Variants in BMP1 observed in about 807,000 individuals in gnomAD.
BMP1 encodes bone morphogenetic protein 1, also known as mammalian tolloid protein.
A neutral mutation model predicts 116.8 loss-of-function variants in BMP1; 63 were observed. The ratio of observed to expected loss-of-function variants is 0.54; its 90% CI spans 0.44 to 0.67. The LOEUF (loss-of-function observed/expected upper bound fraction) is 0.67. Among genes scored for constraint, BMP1 ranks in the 30% least tolerant of loss-of-function variants. BMP1 has a pLI of 0.00. For missense variants in BMP1, 1,183 were observed against 1,358.9 expected, an observed-to-expected ratio of 0.87 and a Z score of 2.04; for synonymous variants, 536 against 533.4, an observed-to-expected ratio of 1.00 and a Z score of -0.07.
rs1828341359 is a variant in BMP1, at chr8:22,173,548, C to T, written c.149-54C>T. ...GGGTTGGGGCTAGAAGCACGGTGCA[C>T]CTAGGGCTGGGTAGGAGGATTAACT... is the stretch of plus-strand genomic sequence containing the variant. On this transcript the variant is annotated intron_variant, in intron 1 of 19. Transcript: ENST00000306385. 2.8e-6 allele frequency: 4 copies of T among 1,432,934 alleles called. No individual in the cohort carries two copies. In the East Asian group the frequency reaches 7.0e-5, roughly 25 times the overall value. 88.8% of individuals were successfully genotyped at this position (1,432,934 alleles called of 1,614,324 possible). A position where few individuals can be genotyped will look rare whatever the true frequency, so the allele number is the denominator to read the frequency against.
rs1828552984 is a variant in BMP1 at position 22,179,596 on chromosome 8, T to A, written c.837-109T>A. The A allele has an allele frequency of 1.9e-6, 3 of 1,582,630 alleles. No homozygotes were observed. The African/African-American group carries it at 4.0e-5, about 21-fold the overall frequency. ...ACCCGGCCCTGACCCTGCTGAGGAATGTCTGAGCTCCAGCAGGGTCGTGAC... is the reference window on the plus strand; with the variant it reads ...ACCCGGCCCTGACCCTGCTGAGGAAAGTCTGAGCTCCAGCAGGGTCGTGAC... On this transcript the variant is annotated intron_variant, in intron 6 of 19. Transcript: ENST00000306385. The surrounding 1 kb of genome is among the most constrained non-coding windows in gnomAD (Gnocchi z 4.6).
chr8:22,178,495 C>T (rs1251293992), intron 6 of BMP1, among the ~76,000 whole-genome samples: 1 of 152,082 alleles, frequency 6.6e-6, no homozygotes, highest in Non-Finnish European at 1.5e-5. Context: ...AGGCTGGTCT[C>T]GAACTCCTGG....
chr8:22,193,481 G>GAC (rs1828991640), intron 9 of BMP1, among the ~76,000 whole-genome samples: 1 of 152,168 alleles, frequency 6.6e-6, no homozygotes, highest in Non-Finnish European at 1.5e-5. Context: ...TATATAGTTG[G>GAC]ACATTATAAA....
chr8:22,181,032 G>C (rs1346969615), intron 8 of BMP1, among the ~76,000 whole-genome samples: 1 of 152,208 alleles, frequency 6.6e-6, no homozygotes, highest in Non-Finnish European at 1.5e-5. Context: ...AACAATTAAG[G>C]AATGATGCAG....
At chr8:22,210,081 C>T (rs907172337) in intron 19 of BMP1, among the ~76,000 whole-genome samples, 6 of 152,278 alleles carry the variant, frequency 3.9e-5, no homozygotes, top group African/African-American at 1.4e-4. Context: ...GAGCCGGGGA[C>T]AGGGCGCCTG....
In BMP1 at chr8:22,200,022, C is replaced by T. The variant is rs559274084; in HGVS notation, c.2108-1781C>T. 8.5e-5 allele frequency among the ~76,000 whole-genome samples: 13 copies of T among 152,338 alleles called. No homozygotes were observed. The South Asian group carries it at 2.7e-3, about 32-fold the overall frequency. On this transcript the variant is annotated intron_variant, in intron 15 of 19. Transcript: ENST00000306385. ...CCCCCTTGCACAGACCCCCACCTGG[C>T]CAGCTCAGTGCCAGCAGACATCTTT...
rs368266318 is a variant in BMP1 at position 22,192,129 on chromosome 8, C to T, written c.1158C>T (p.Phe386=). The part of the protein sequence containing the change: ...WYDYVEVRDG[F]WRKAPLRGRF... ...ACTATGTGGAGGTCCGAGATGGCTT[C>T]TGGAGGAAGGCGCCCCTCCGAGGTA... Residue 386 remains phenylalanine, a synonymous_variant, in exon 9 of 20, where the codon TTC becomes TTT. Transcript: ENST00000306385. 1.2e-6 allele frequency: 2 copies of T among 1,613,654 alleles called. No homozygotes were observed. The highest frequency in any genetic ancestry group is 1.7e-6 in the Non-Finnish European group (2 of 1,179,842).
At position 22,194,002 on chromosome 8, in the gene BMP1, C is replaced by G. The variant is rs1829004215; in HGVS notation, c.1181-56C>G. 2.1e-6 allele frequency: 3 copies of G among 1,455,522 alleles called. 1 individual carries two copies. In the Admixed American group the frequency reaches 5.1e-5, roughly 25 times the overall value. 90.2% of individuals were successfully genotyped at this position (1,455,522 alleles called of 1,614,324 possible). A position where few individuals can be genotyped will look rare whatever the true frequency, so the allele number is the denominator to read the frequency against. On this transcript the variant is annotated intron_variant, in intron 9 of 19. Transcript: ENST00000306385. This position sits in a 1 kb window ranked among gnomAD's most constrained non-coding sequence, Gnocchi z 4.5. ...CCCAAGCCTCCTGGAGAGGTGGGGCCTCTATAGGGGGTGTCCTCAGGGTTC... is the reference window on the plus strand; with the variant it reads ...CCCAAGCCTCCTGGAGAGGTGGGGCGTCTATAGGGGGTGTCCTCAGGGTTC...
intron 16 of BMP1, among the ~76,000 whole-genome samples, chr8:22,204,714 C>T (rs1024464587): frequency 6.6e-6 from 1 of 151,102 alleles, no homozygotes; most frequent in African/African-American, 2.5e-5. Context: ...CAGAGCAAGA[C>T]CCTGTCCCCC....
chr8:22,170,235 G>C (rs1046326914), intron 1 of BMP1: 1 of 152,496 alleles, frequency 6.6e-6, no homozygotes, highest in Admixed American at 6.5e-5. Flanking sequence ...ACAGTTCTGT[G>C]GCCTCTGCAC....
chr8:22,210,312 C>G (rs941817361), intron 19 of BMP1, among the ~76,000 whole-genome samples: 1 of 151,658 alleles, frequency 6.6e-6, no homozygotes, highest in Non-Finnish European at 1.5e-5. Context: ...CATGGGCTAG[C>G]CTCGTGGGGA....
intron 8 of BMP1, among the ~76,000 whole-genome samples, chr8:22,183,358 G>C (rs1828677280): frequency 6.6e-6 from 1 of 152,190 alleles, no homozygotes; most frequent in South Asian, 2.1e-4. Flanking sequence ...CAAGGTTGCA[G>C]TAAGCTATGA....
chr8:22,166,083 A>G (rs1328874014), intron 1 of BMP1, among the ~76,000 whole-genome samples: 2 of 151,946 alleles, frequency 1.3e-5, no homozygotes, highest in Non-Finnish European at 2.9e-5. Flanking sequence ...CAAGTGGAAG[A>G]AGAAAGTTTT....
At position 22,173,578 on chromosome 8, in the gene BMP1, C is replaced by G. The variant is rs745597234; in HGVS notation, c.149-24C>G. The G allele has an allele frequency of 1.7e-5, 27 of 1,587,054 alleles. No homozygotes were observed. The East Asian group carries it at 6.1e-4, about 36-fold the overall frequency. ...GGCTGGGTAGGAGGATTAACTCAGC[C>G]CTGGCTTCTTCTTTTCTCTTTAGCT... On this transcript the variant is annotated intron_variant, in intron 1 of 19. Transcript: ENST00000306385.
intron 17 of BMP1, 100 bp downstream of exon 17, chr8:22,207,081 C>A: frequency 6.5e-7 from 1 of 1,537,690 alleles, no homozygotes; most frequent in South Asian, 1.2e-5. Flanking sequence ...AGAGGTCTGC[C>A]ATCCCCAGGA....
At chr8:22,190,073 A>G (rs1366680872) in intron 8 of BMP1, among the ~76,000 whole-genome samples, 1 of 152,068 alleles carries the variant, frequency 6.6e-6, no homozygotes, top group Non-Finnish European at 1.5e-5. Flanking sequence ...GATGCCCACC[A>G]TCACACCTGG....
At chr8:22,201,782 C>T (rs769907101) in intron 15 of BMP1, 21 bp from the exon 16 acceptor site, 6 of 1,612,342 alleles carry the variant, frequency 3.7e-6, no homozygotes, top group Non-Finnish European at 5.1e-6. Context: ...CCAGCGTCTG[C>T]CCTTATTTGC....
chr8:22,180,247 C>A, intron 7 of BMP1, 121 bp from the exon 8 acceptor site: 1 of 785,342 alleles, frequency 1.3e-6, no homozygotes, highest in South Asian at 1.5e-5. Flanking sequence ...TTGCAGACAC[C>A]CTCCCACTCC....
chr8:22,176,795 C>T (rs929313824), intron 4 of BMP1, 145 bp downstream of exon 4: 51 of 1,038,570 alleles, frequency 4.9e-5, no homozygotes, highest in South Asian at 1.2e-4. Flanking sequence ...GGAACTGCCC[C>T]CTGTGCGGCT....
Sources: allele counts gnomAD v4.1 joint callset (sites outside exome capture counted in the v4.1 genomes callset), GRCh38; gene constraint gnomAD v4.1.1; non-coding constraint Gnocchi (gnomAD v3.1); transcripts MANE v1.5; gene names NCBI Gene and HGNC (gene_info 2026-07-23, HGNC 2026-07-21).